EPHA6: variants seen among roughly 807,000 people sequenced by gnomAD.
EPHA6 encodes EPH receptor A6.
A neutral mutation model predicts 112.0 loss-of-function variants in EPHA6; 50 were observed. The observed-to-expected ratio is 0.45, with a 90% CI of 0.36 to 0.56. The LOEUF (loss-of-function observed/expected upper bound fraction) is 0.56. Among genes scored for constraint, EPHA6 ranks in the 20% least tolerant of loss-of-function variants. The pLI is 0.00. For missense variants in EPHA6, 1,280 were observed against 1,417.4 expected, an observed-to-expected ratio of 0.90 and a Z score of 1.56; for synonymous variants, 529 against 490.7, an observed-to-expected ratio of 1.08 and a Z score of -1.03.
chr3:97,427,121 G>T (rs1167264495), intron 6 of EPHA6, among the ~76,000 whole-genome samples: 1 of 152,130 alleles, frequency 6.6e-6, no homozygotes, highest in Non-Finnish European at 1.5e-5. Context: ...TACACCTGTG[G>T]AAAGCACTGT....
intron 3 of EPHA6, among the ~76,000 whole-genome samples, chr3:96,991,058 T>C (rs1200557534): frequency 6.6e-6 from 1 of 151,818 alleles, no homozygotes; most frequent in African/African-American, 2.4e-5. Context: ...GGTGCGACCA[T>C]AGCTCATTCC....
At chr3:97,143,060 A>G (rs1334914256) in intron 3 of EPHA6, among the ~76,000 whole-genome samples, 5 of 151,842 alleles carry the variant, frequency 3.3e-5, no homozygotes, top group South Asian at 4.1e-4. Flanking sequence ...CATCAATTAC[A>G]TGAAAAATGA....
At chr3:96,935,296 C>A (rs995805667) in intron 2 of EPHA6, among the ~76,000 whole-genome samples, 2 of 151,640 alleles carry the variant, frequency 1.3e-5, no homozygotes, top group Non-Finnish European at 3.0e-5. Flanking sequence ...ATTAACTACT[C>A]TGATTATTTG....
intron 14 of EPHA6, among the ~76,000 whole-genome samples, 155 bp downstream of exon 14, chr3:97,638,237 G>A (rs1233928764): frequency 6.6e-6 from 1 of 152,004 alleles, no homozygotes; most frequent in Non-Finnish European, 1.5e-5. Context: ...TTTGCTTTGA[G>A]TGTCTAGTTT....
At chr3:96,854,139 A>G (rs1459554911) in intron 1 of EPHA6, among the ~76,000 whole-genome samples, 1 of 151,592 alleles carries the variant, frequency 6.6e-6, no homozygotes, top group African/African-American at 2.4e-5. Flanking sequence ...ATGGATCTAA[A>G]AAAAGATATA....
intron 4 of EPHA6, among the ~76,000 whole-genome samples, 188 bp downstream of exon 4, chr3:97,226,607 G>C (rs1260144872): frequency 1.3e-5 from 2 of 152,246 alleles, no homozygotes; most frequent in South Asian, 2.1e-4. Context: ...GTAAAGAATG[G>C]GTTTACTCCT....
At chr3:97,359,539 A>G (rs2084259556) in intron 5 of EPHA6, among the ~76,000 whole-genome samples, 1 of 151,140 alleles carries the variant, frequency 6.6e-6, no homozygotes, top group African/African-American at 2.4e-5. Context: ...TCTTTGTTTA[A>G]TAGATGTGCC....
intron 14 of EPHA6, among the ~76,000 whole-genome samples, chr3:97,664,362 G>A (rs1348134098): frequency 6.6e-6 from 1 of 152,032 alleles, no homozygotes; most frequent in African/African-American, 2.4e-5. Flanking sequence ...TGTCAGTTTT[G>A]GCTTTTGTTG....
intron 3 of EPHA6, among the ~76,000 whole-genome samples, chr3:97,002,795 A>C (rs1024821957): frequency 6.6e-6 from 1 of 152,236 alleles, no homozygotes; most frequent in South Asian, 2.1e-4. Flanking sequence ...AATGCATTGC[A>C]ATATAAAGGA....
rs542851468 is a variant in EPHA6 at position 97,461,553 on chromosome 3, T to C, written c.1894+12823T>C. ...TTATTAATACTGATATTATTGTTAC[T>C]AGCTTTGAATCTTAAATTCCATTCT... On this transcript the variant is annotated intron_variant, in intron 7 of 17. Coordinates refer to ENST00000389672, the MANE Select transcript of EPHA6 (RefSeq NM_001080448.3). Among the ~76,000 whole-genome samples, 5 of 152,324 alleles carry C rather than the reference T, an allele frequency of 3.3e-5. No individual in the cohort carries two copies. The South Asian group carries it at 1.0e-3, about 32-fold the overall frequency.
intron 10 of EPHA6, among the ~76,000 whole-genome samples, chr3:97,502,370 C>T (rs112549056): frequency 0.017 from 2,611 of 151,358 alleles, 85 homozygotes; most frequent in African/African-American, 0.055. Flanking sequence ...GGTTTCACCA[C>T]GTTGGGCAGG....
chr3:97,545,272 T>A (rs1210028566), intron 11 of EPHA6, among the ~76,000 whole-genome samples: 1 of 152,210 alleles, frequency 6.6e-6, no homozygotes, highest in African/African-American at 2.4e-5. Context: ...GTGTCTTTGT[T>A]CTCGTTGGTT....
intron 6 of EPHA6, among the ~76,000 whole-genome samples, chr3:97,414,416 A>T (rs1304525414): frequency 6.6e-6 from 1 of 152,032 alleles, no homozygotes; most frequent in African/African-American, 2.4e-5. Flanking sequence ...TTAGATAGGT[A>T]CTTAACACCC....
chr3:97,179,293 A>AT (rs990766182), intron 3 of EPHA6, among the ~76,000 whole-genome samples: 2 of 151,922 alleles, frequency 1.3e-5, no homozygotes, highest in Admixed American at 6.6e-5. Context: ...GTTATGTGGT[A>AT]TTTTTTTGAG....
intron 3 of EPHA6, among the ~76,000 whole-genome samples, chr3:97,133,801 G>C (rs1159215890): frequency 6.6e-6 from 1 of 151,922 alleles, no homozygotes; most frequent in Non-Finnish European, 1.5e-5. Flanking sequence ...CCACCTAGGA[G>C]ATCAAAGAAG....
chr3:97,017,469 G>C (rs2044302347), intron 3 of EPHA6, among the ~76,000 whole-genome samples: 1 of 152,164 alleles, frequency 6.6e-6, no homozygotes, highest in Non-Finnish European at 1.5e-5. Context: ...ATTGAGTTCT[G>C]GCAAGTCTCA....
intron 3 of EPHA6, among the ~76,000 whole-genome samples, chr3:97,206,452 G>A (rs1053908532): frequency 1.3e-5 from 2 of 151,756 alleles, no homozygotes; most frequent in Non-Finnish European, 2.9e-5. Flanking sequence ...TTCACTTTTT[G>A]TTTTATTTGA....
chr3:97,573,026 C>T lies in EPHA6; in HGVS notation c.2387-19586C>T, dbSNP rs554551718. Among the ~76,000 whole-genome samples, 493 of 152,216 alleles carry T rather than the reference C, an allele frequency of 3.2e-3. 2 individuals are homozygous for T. Among genetic ancestry groups the T allele is most frequent in the African/African-American group, 0.011 (459 of 41,554 alleles). On this transcript the variant is annotated intron_variant, in intron 11 of 17. Transcript: ENST00000389672. ...TGCCTACATACGTCTTAACAAAATCCATATAAAACATATTTTATCACTATA... is the reference window on the plus strand; with the variant it reads ...TGCCTACATACGTCTTAACAAAATCTATATAAAACATATTTTATCACTATA...
At chr3:97,580,604 G>C (rs2093428325) in intron 11 of EPHA6, among the ~76,000 whole-genome samples, 1 of 152,160 alleles carries the variant, frequency 6.6e-6, no homozygotes, top group Admixed American at 6.5e-5. Flanking sequence ...TGAAAATGGT[G>C]GCACAGCAAG....
Sources: allele counts gnomAD v4.1 joint callset (sites outside exome capture counted in the v4.1 genomes callset), GRCh38; gene constraint gnomAD v4.1.1; transcripts MANE v1.5; gene names NCBI Gene and HGNC (gene_info 2026-07-23, HGNC 2026-07-21).